The following ACTR3C variants were observed in gnomAD, a reference collection of about 807,000 sequenced individuals.
ACTR3C encodes the protein actin related protein 3C, also known as actin-related protein 3C.
A neutral mutation model predicts 26.3 loss-of-function variants in ACTR3C; 18 were observed. That is an observed-to-expected ratio of 0.68 (90% CI 0.47 to 1.01). ACTR3C has a LOEUF of 1.01. ACTR3C is among the 50% of genes least tolerant of loss of function. The probability of loss-of-function intolerance (pLI) is 0.00; values close to 1 mark genes in which losing one functional copy is unlikely to be tolerated. For synonymous variants in ACTR3C, 55 were observed against 94.5 expected, an observed-to-expected ratio of 0.58 and a Z score of 2.42; for missense variants, 184 against 250.7, an observed-to-expected ratio of 0.73 and a Z score of 1.80.
At chr7:150,077,450 T>C in the ACTR3C span, among the ~76,000 whole-genome samples, 1 of 152,168 alleles carries the variant, frequency 6.6e-6, no homozygotes, top group Admixed American at 6.5e-5. Context: ...CAAGGGTAAG[T>C]CTGCACCTTT....
At chr7:150,286,086 C>T (rs28445261) in intron 5 of ACTR3C, among the ~76,000 whole-genome samples, 33,940 of 151,924 alleles carry the variant, frequency 0.22, 5,854 homozygotes, top group African/African-American at 0.48. Context: ...CACCCACAAC[C>T]CTTGGAGATT....
chr7:149,894,512 A>G, the ACTR3C span, among the ~76,000 whole-genome samples: 1,857 of 152,220 alleles, frequency 0.012, 31 homozygotes, highest in African/African-American at 0.043. Context: ...ATTAATAATC[A>G]AAATATATAA....
the ACTR3C span, among the ~76,000 whole-genome samples, chr7:149,944,432 A>G: frequency 2.0e-5 from 3 of 152,032 alleles, no homozygotes; most frequent in South Asian, 6.2e-4. Flanking sequence ...TGCAGCGGGC[A>G]TAAAACTCAA....
intron 1 of ACTR3C, among the ~76,000 whole-genome samples, chr7:150,313,350 T>G (rs576109836): frequency 3.6e-4 from 55 of 152,282 alleles, no homozygotes; most frequent in African/African-American, 1.3e-3. Flanking sequence ...TAGGTAGATT[T>G]TAAAGTTTCT....
At chr7:150,106,252 T>C in the ACTR3C span, among the ~76,000 whole-genome samples, 544 of 150,904 alleles carry the variant, frequency 3.6e-3, 6 homozygotes, top group South Asian at 0.028. Context: ...AATTTAATAT[T>C]GGATATGAAA....
chr7:150,141,812 G>A, the ACTR3C span, among the ~76,000 whole-genome samples: 18 of 152,096 alleles, frequency 1.2e-4, no homozygotes, highest in Non-Finnish European at 2.4e-4. Context: ...TGTTCCAAGC[G>A]CTTGCCAAGC....
At chr7:150,028,557 G>A in the ACTR3C span, among the ~76,000 whole-genome samples, 10 of 152,306 alleles carry the variant, frequency 6.6e-5, no homozygotes, top group African/African-American at 9.6e-5. Flanking sequence ...AGACCCGCCC[G>A]GCGCCGAGGC....
chr7:150,209,133 G>A, the ACTR3C span, among the ~76,000 whole-genome samples: 5,348 of 145,780 alleles, frequency 0.037, 353 homozygotes, highest in African/African-American at 0.14. Context: ...AGCATCATTG[G>A]GATATGTTAA....
chr7:150,035,268 C>G, the ACTR3C span, among the ~76,000 whole-genome samples: 62 of 71,078 alleles, frequency 8.7e-4, 14 homozygotes, highest in African/African-American at 2.3e-3. Context: ...GGCTGGCTCT[C>G]AGTCCCTGCC....
At chr7:150,039,173 T>C in the ACTR3C span, among the ~76,000 whole-genome samples, 1 of 147,778 alleles carries the variant, frequency 6.8e-6, no homozygotes, top group African/African-American at 2.5e-5. Flanking sequence ...GGTCTGGCTC[T>C]CAGTCCCCGC....
the ACTR3C span, among the ~76,000 whole-genome samples, chr7:150,042,983 G>A: frequency 1.3e-5 from 2 of 151,244 alleles, no homozygotes; most frequent in African/African-American, 2.5e-5. Flanking sequence ...CCGGGTCCCC[G>A]CCCCCTTTGT....
At chr7:150,198,754 G>T in the ACTR3C span, among the ~76,000 whole-genome samples, 49 of 85,778 alleles carry the variant, frequency 5.7e-4, 1 homozygote, top group African/African-American at 3.5e-3. Flanking sequence ...GAGGGAGGTG[G>T]GGGGGGGTCA....
the ACTR3C span, among the ~76,000 whole-genome samples, chr7:150,062,527 A>C: frequency 6.6e-6 from 1 of 151,466 alleles, no homozygotes; most frequent in Non-Finnish European, 1.5e-5. Flanking sequence ...TGTCAAATGA[A>C]TGAATGAGGC....
chr7:150,038,878 G>A, the ACTR3C span, among the ~76,000 whole-genome samples: 6 of 114,304 alleles, frequency 5.2e-5, no homozygotes, highest in South Asian at 2.7e-4. Flanking sequence ...TCCCTGCCTC[G>A]CGGGGGGTGC....
At chr7:149,904,080 C>T in the ACTR3C span, among the ~76,000 whole-genome samples, 9 of 131,864 alleles carry the variant, frequency 6.8e-5, no homozygotes, top group South Asian at 3.3e-4. Flanking sequence ...CCACCACATC[C>T]GGCTAATTTT....
At chr7:150,176,637 C>T in the ACTR3C span, among the ~76,000 whole-genome samples, 3 of 150,930 alleles carry the variant, frequency 2.0e-5, no homozygotes, top group East Asian at 3.9e-4. Flanking sequence ...ATGTCAGTAT[C>T]AACAGAAACA....
At chr7:150,060,658 G>C in the ACTR3C span, among the ~76,000 whole-genome samples, 15,081 of 149,138 alleles carry the variant, frequency 0.1, no homozygotes, top group African/African-American at 0.22. Flanking sequence ...AGCACACTGA[G>C]AACAACTTGG....
the ACTR3C span, among the ~76,000 whole-genome samples, chr7:149,965,486 G>A: frequency 1.4e-5 from 2 of 146,178 alleles, no homozygotes; most frequent in African/African-American, 5.1e-5. Context: ...ATCACACTGA[G>A]CCTCTACTTC....
chr7:149,983,429 T>TTGTATGTATGTGTGTGTGTGTG, the ACTR3C span, among the ~76,000 whole-genome samples: 4 of 15,642 alleles, frequency 2.6e-4, no homozygotes, highest in African/African-American at 5.6e-4. Flanking sequence ...GGTGTGTGTG[T>TTGTATGTATGTGTGTGTGTGTG]TGTGTGTATG....
Sources: allele counts gnomAD v4.1 joint callset (sites outside exome capture counted in the v4.1 genomes callset), GRCh38; gene constraint gnomAD v4.1.1; transcripts MANE v1.5; gene names NCBI Gene and HGNC (gene_info 2026-07-23, HGNC 2026-07-21).